ACSS3: variants seen among roughly 807,000 people sequenced by gnomAD.
ACSS3 encodes acyl-CoA synthetase short-chain family member 3, mitochondrial.
In ACSS3, 64 loss-of-function variants were observed where a neutral mutation model predicts 84.2. That is an observed-to-expected ratio of 0.76 (90% CI 0.62 to 0.94). The LOEUF (loss-of-function observed/expected upper bound fraction) is 0.94, where lower values mean the gene tolerates loss of function less well. ACSS3 is among the 40% of genes least tolerant of loss of function. The probability of loss-of-function intolerance (pLI) is 0.00; values close to 1 mark genes in which losing one functional copy is unlikely to be tolerated. For synonymous variants in ACSS3, 317 were observed against 310.1 expected, an observed-to-expected ratio of 1.02 and a Z score of -0.23; for missense variants, 815 against 867.6, an observed-to-expected ratio of 0.94 and a Z score of 0.76.
chr12:81,117,974 G>T (rs1884192829), intron 2 of ACSS3: 1 of 152,130 alleles, frequency 6.6e-6, no homozygotes, highest in Admixed American at 6.6e-5. Context: ...ACCTGTAAAT[G>T]CCCTGCTTCC....
At chr12:81,165,152 T>C (rs1248585096) in intron 7 of ACSS3, among the ~76,000 whole-genome samples, 1 of 152,152 alleles carries the variant, frequency 6.6e-6, no homozygotes, top group Non-Finnish European at 1.5e-5. Context: ...TATTTTTGAG[T>C]TCCTTTTTCC....
intron 5 of ACSS3, among the ~76,000 whole-genome samples, chr12:81,148,640 G>T (rs959195489): frequency 6.6e-6 from 1 of 151,976 alleles, no homozygotes; most frequent in African/African-American, 2.4e-5. Context: ...TTCAAGTTCC[G>T]CAGACATCTT....
intron 8 of ACSS3, 86 bp from the exon 9 acceptor site, chr12:81,199,255 G>A: frequency 8.7e-7 from 1 of 1,150,058 alleles, no homozygotes; most frequent in South Asian, 1.5e-5. Flanking sequence ...CATAATGAGT[G>A]TGGTTAACCA....
intron 1 of ACSS3, among the ~76,000 whole-genome samples, chr12:81,091,576 T>C (rs992147875): frequency 1.3e-5 from 2 of 151,964 alleles, no homozygotes; most frequent in Non-Finnish European, 2.9e-5. Flanking sequence ...TAGACCTAAT[T>C]TGATGAAATT....
At chr12:81,248,101 T>A (rs554103717) in intron 13 of ACSS3, among the ~76,000 whole-genome samples, 1 of 152,164 alleles carries the variant, frequency 6.6e-6, no homozygotes, top group Admixed American at 6.5e-5. Context: ...CATACACGGT[T>A]AGTAGGAATG....
intron 13 of ACSS3, among the ~76,000 whole-genome samples, chr12:81,234,435 T>C (rs1289539552): frequency 2.0e-5 from 3 of 151,422 alleles, no homozygotes; most frequent in South Asian, 2.1e-4. Context: ...TTCTGGGTTG[T>C]ATATTAAGTG....
chr12:81,251,634 C>A (rs1313011009), intron 13 of ACSS3, among the ~76,000 whole-genome samples: 1 of 137,970 alleles, frequency 7.2e-6, no homozygotes, highest in African/African-American at 2.7e-5. Context: ...GAGTTTGAGA[C>A]CAGCCTAGGG....
Position 81,233,346 on chromosome 12 carries a change from C to A in ACSS3, c.1597-3C>A. On this transcript the variant is annotated splice_polypyrimidine_tract_variant and splice_region_variant and intron_variant, in intron 12 of 15. Coordinates refer to ENST00000548058, the MANE Select transcript of ACSS3 (RefSeq NM_024560.4). Reference sequence around the variant, plus strand: ...ATCAAATGTTATTTTTTCTTGTTTTCAGGGATATTATGATACCATGGATGC... The same window carrying A: ...ATCAAATGTTATTTTTTCTTGTTTTAAGGGATATTATGATACCATGGATGC... The A allele has an allele frequency of 6.2e-7, 1 of 1,607,430 alleles. No individual in the cohort carries two copies. The highest frequency in any genetic ancestry group is 8.5e-7 in the Non-Finnish European group (1 of 1,175,976).
chr12:81,196,086 C>T (rs2031814410), intron 8 of ACSS3, among the ~76,000 whole-genome samples: 1 of 152,142 alleles, frequency 6.6e-6, no homozygotes, highest in African/African-American at 2.4e-5. Flanking sequence ...GTGACACTTG[C>T]ATACCCACAC....
intron 3 of ACSS3, 81 bp downstream of exon 3, chr12:81,135,085 T>C: frequency 1.7e-6 from 2 of 1,206,796 alleles, no homozygotes; most frequent in Admixed American, 5.3e-5. Flanking sequence ...CATCTGAGAA[T>C]GCTCTATACT....
At chr12:81,222,153 G>A (rs903622477) in intron 11 of ACSS3, among the ~76,000 whole-genome samples, 4 of 151,902 alleles carry the variant, frequency 2.6e-5, no homozygotes, top group South Asian at 4.2e-4. Flanking sequence ...TTTTCCCTCT[G>A]TATTCCTAAA....
intron 9 of ACSS3, among the ~76,000 whole-genome samples, chr12:81,211,502 ACAGT>A (rs1280626808): frequency 1.3e-5 from 2 of 152,156 alleles, no homozygotes; most frequent in Non-Finnish European, 2.9e-5. Flanking sequence ...ATCTACCCAC[ACAGT>A]CTGTCTGTCA....
At chr12:81,114,854 G>A (rs1883906885) in intron 2 of ACSS3, among the ~76,000 whole-genome samples, 1 of 152,088 alleles carries the variant, frequency 6.6e-6, no homozygotes, top group African/African-American at 2.4e-5. Context: ...ATAATTCCAT[G>A]TAAGCAACAA....
chr12:81,200,377 A>G (rs191909382), intron 9 of ACSS3, among the ~76,000 whole-genome samples: 41 of 152,318 alleles, frequency 2.7e-4, no homozygotes, highest in Admixed American at 2.6e-4. Context: ...ACATATTTTC[A>G]GTATTCTCAC....
Position 81,139,270 on chromosome 12 carries a change from T to C in ACSS3, c.780+5T>C. Reference sequence around the variant, plus strand: ...ATTTATAATCGTCCAAATATGGTAATCTGAATATTGAATTTGGTTCTTGCT... The same window carrying C: ...ATTTATAATCGTCCAAATATGGTAACCTGAATATTGAATTTGGTTCTTGCT... On this transcript the variant is annotated splice_donor_5th_base_variant and intron_variant, in intron 4 of 15. Transcript: ENST00000548058. The C allele has an allele frequency of 2.5e-6, 4 of 1,613,514 alleles. No homozygotes were observed. The highest frequency in any genetic ancestry group is 2.5e-6 in the Non-Finnish European group (3 of 1,179,722).
chr12:81,142,292 GA>G (rs753727277), intron 4 of ACSS3, among the ~76,000 whole-genome samples: 1 of 152,038 alleles, frequency 6.6e-6, no homozygotes, highest in South Asian at 2.1e-4. Context: ...TAACATCTAA[GA>G]AAAAAACTAG....
intron 7 of ACSS3, among the ~76,000 whole-genome samples, chr12:81,169,837 AC>A (rs1000534498): frequency 2.0e-5 from 3 of 152,152 alleles, no homozygotes; most frequent in South Asian, 2.1e-4. Flanking sequence ...CCTGAAATAA[AC>A]AAAACAACTC....
chr12:81,094,347 A>C (rs1258832089), intron 1 of ACSS3: 5 of 152,152 alleles, frequency 3.3e-5, no homozygotes, highest in Non-Finnish European at 4.4e-5. Context: ...AAAGATAATA[A>C]CTTAGAGGAC....
chr12:81,094,645 GA>G (rs1165603174), intron 1 of ACSS3: 2 of 152,162 alleles, frequency 1.3e-5, no homozygotes, highest in Non-Finnish European at 2.9e-5. Context: ...ATGAGTTAAT[GA>G]ATATGCTCTC....
Sources: allele counts gnomAD v4.1 joint callset (sites outside exome capture counted in the v4.1 genomes callset), GRCh38; gene constraint gnomAD v4.1.1; transcripts MANE v1.5; gene names NCBI Gene and HGNC (gene_info 2026-07-23, HGNC 2026-07-21).